Variants in SP140 observed in about 807,000 individuals in gnomAD.
SP140 encodes nuclear body protein SP140.
SP140 carries 81 observed loss-of-function variants against 125.0 expected under a neutral mutation model. The ratio of observed to expected loss-of-function variants is 0.65; its 90% CI spans 0.54 to 0.78. The LOEUF (loss-of-function observed/expected upper bound fraction) is 0.78, where lower values mean the gene tolerates loss of function less well. Ranked by LOEUF, SP140 falls within the 30% of genes least tolerant of loss-of-function variation. The pLI, the probability that SP140 is intolerant of heterozygous loss-of-function variation, is 0.00. For missense variants in SP140, 858 were observed against 1,037.0 expected, an observed-to-expected ratio of 0.83 and a Z score of 2.37; for synonymous variants, 312 against 354.0, an observed-to-expected ratio of 0.88 and a Z score of 1.33.
At chr2:230,220,075 G>T in intron 3 of SP140, 1 of 985,506 alleles carries the variant, frequency 1.0e-6, no homozygotes, top group Non-Finnish European at 1.2e-6. Flanking sequence ...AAGGCAGGTC[G>T]GTGCCTGCAG....
chr2:230,215,080 G>A lies in SP140; in HGVS notation c.-91+1006G>A, dbSNP rs200926349. 27 of 1,613,654 alleles carry A rather than the reference G, an allele frequency of 1.7e-5. No individual in the cohort carries two copies. Among genetic ancestry groups the A allele is most frequent in the African/African-American group, 2.7e-5 (2 of 74,908 alleles). On this transcript the variant is annotated intron_variant, in intron 3 of 4. Coordinates refer to the SP140 transcript ENST00000456542. ...GGGTGAGAATGTTGTGCACCACTCT[G>A]GATACAGGGATCAAATTTCTACAGG... is the stretch of plus-strand genomic sequence containing the variant.
At chr2:230,196,583 G>A in the SP140 span, among the ~76,000 whole-genome samples, 3 of 151,290 alleles carry the variant, frequency 2.0e-5, no homozygotes, top group African/African-American at 7.3e-5. Flanking sequence ...GGGTACATGT[G>A]CACAATGTGC....
At chr2:230,256,535 G>T in intron 12 of SP140, among the ~76,000 whole-genome samples, 1 of 130,602 alleles carries the variant, frequency 7.7e-6, no homozygotes, top group Non-Finnish European at 1.6e-5. Flanking sequence ...GGGTGGGGGA[G>T]GGGGGAGGGA....
At chr2:230,284,322 A>C in intron 15 of SP140, 24 bp from the exon 16 acceptor site, 1 of 1,583,602 alleles carries the variant, frequency 6.3e-7, no homozygotes, top group Non-Finnish European at 8.6e-7. Flanking sequence ...CTGCATAATT[A>C]ACTTTATTCT....
chr2:230,267,702 G>A (rs369814230), intron 12 of SP140, among the ~76,000 whole-genome samples: 6 of 152,284 alleles, frequency 3.9e-5, no homozygotes, highest in South Asian at 4.1e-4. Flanking sequence ...AGACAATCCC[G>A]TGACAAACAG....
At chr2:230,294,237 G>T in intron 20 of SP140, 34 bp from the exon 21 acceptor site, 1 of 1,593,588 alleles carries the variant, frequency 6.3e-7, no homozygotes, top group Middle Eastern at 1.7e-4. Context: ...GGAAACACAG[G>T]CTGACCATAT....
At chr2:230,243,183 T>C (rs1438133429) in intron 4 of SP140, among the ~76,000 whole-genome samples, 1 of 152,194 alleles carries the variant, frequency 6.6e-6, no homozygotes. Context: ...CCCTATGTTT[T>C]CTCTATGCTG....
intron 3 of SP140, chr2:230,214,937 G>C: frequency 6.2e-7 from 1 of 1,612,666 alleles, no homozygotes; most frequent in Non-Finnish European, 8.5e-7. Context: ...AAGCACTTGA[G>C]AAATCTCATT....
At chr2:230,246,374 C>T (rs1559246115) in intron 7 of SP140, among the ~76,000 whole-genome samples, 1 of 152,112 alleles carries the variant, frequency 6.6e-6, no homozygotes, top group Non-Finnish European at 1.5e-5. Flanking sequence ...CAAATATTAC[C>T]ACGTTGGGTA....
chr2:230,227,437 A>G (rs1449121518), intron 1 of SP140, among the ~76,000 whole-genome samples: 1 of 152,220 alleles, frequency 6.6e-6, no homozygotes, highest in Non-Finnish European at 1.5e-5. Flanking sequence ...GGCTAATGCT[A>G]ACCTCAAAGA....
chr2:230,223,183 C>G (rs1170949176), upstream of SP140, among the ~76,000 whole-genome samples: 1 of 151,924 alleles, frequency 6.6e-6, no homozygotes, highest in African/African-American at 2.4e-5. Context: ...ACTACAGGCA[C>G]GCATCACCAT....
intron 26 of SP140, among the ~76,000 whole-genome samples, chr2:230,311,935 C>T (rs1055417551): frequency 3.9e-5 from 6 of 152,140 alleles, no homozygotes; most frequent in African/African-American, 1.4e-4. Context: ...CTTATCTGCT[C>T]CCAATCCCAG....
At chr2:230,219,781 T>C (rs1458996086) in intron 3 of SP140, 3 of 298,308 alleles carry the variant, frequency 1.0e-5, no homozygotes, top group Non-Finnish European at 1.5e-5. Flanking sequence ...GTTTAAATAG[T>C]TGAACTCCAC....
intron 9 of SP140, among the ~76,000 whole-genome samples, 165 bp from the exon 10 acceptor site, chr2:230,250,816 G>A (rs2050247304): frequency 6.6e-6 from 1 of 152,184 alleles, no homozygotes; most frequent in Non-Finnish European, 1.5e-5. Context: ...GACAGCAACT[G>A]GAGTGCATCC....
At chr2:230,221,716 C>CCCCATCACCTGGAAAGCCCCTT (rs2045837999), upstream of SP140, 1 of 1,536,038 alleles carries the variant, frequency 6.5e-7, no homozygotes, top group African/African-American at 1.4e-5. Context: ...TGAAGCCCCT[C>CCCCATCACCTGGAAAGCCCCTT]CCCATCACCT....
rs2057278663 is a variant in SP140, at chr2:230,292,782, G to T, written c.1962G>T (p.Leu654=). The part of the protein sequence containing the change: ...VRCGGWPLRW[L]MENGFLPDPP... ...GTGGCGGGTGGCCCCTACGATGGCTGATGGAGGTATTCCAATGACAAGGGG... is the reference window on the plus strand; with the variant it reads ...GTGGCGGGTGGCCCCTACGATGGCTTATGGAGGTATTCCAATGACAAGGGG... Residue 654 remains leucine, a synonymous_variant, in exon 20 of 27, where the codon CTG becomes CTT. Transcript: ENST00000392045. 4 of 1,613,948 alleles carry T rather than the reference G, an allele frequency of 2.5e-6. No homozygotes were observed. In the African/African-American group the frequency reaches 5.3e-5, roughly 22 times the overall value.
intron 1 of SP140, among the ~76,000 whole-genome samples, chr2:230,232,884 TTTTTAAATGTGAG>T (rs780821822): frequency 6.4e-4 from 97 of 152,318 alleles, no homozygotes; most frequent in Non-Finnish European, 1.3e-3. Context: ...TTAATCTTAC[TTTTTAAATGTGAG>T]TATTGAGAAT....
At chr2:230,300,419 A>G (rs2058179224) in intron 22 of SP140, among the ~76,000 whole-genome samples, 1 of 152,110 alleles carries the variant, frequency 6.6e-6, no homozygotes, top group Non-Finnish European at 1.5e-5. Flanking sequence ...TGCTACCTCC[A>G]CTGGAGCACG....
chr2:230,306,917 C>T (rs1468913021), intron 22 of SP140, among the ~76,000 whole-genome samples: 1 of 152,200 alleles, frequency 6.6e-6, no homozygotes, highest in East Asian at 1.9e-4. Flanking sequence ...GGCCTGAAGG[C>T]TGGGAACTGG....
Sources: allele counts gnomAD v4.1 joint callset (sites outside exome capture counted in the v4.1 genomes callset), GRCh38; gene constraint gnomAD v4.1.1; transcripts MANE v1.5; gene names NCBI Gene and HGNC (gene_info 2026-07-23, HGNC 2026-07-21).